Variants in DMD observed in about 807,000 individuals in gnomAD.
The protein encoded by DMD is dystrophin, also known as mutant dystrophin.
In DMD, 63 loss-of-function variants were observed where a neutral mutation model predicts 330.1. The observed-to-expected ratio is 0.19, with a 90% CI of 0.16 to 0.24. The LOEUF is 0.24. Among genes scored for constraint, DMD ranks in the 10% least tolerant of loss-of-function variants. DMD has a pLI of 1.00. For missense variants in DMD, 3,344 were observed against 2,684.1 expected, an observed-to-expected ratio of 1.25 and a Z score of -5.43; for synonymous variants, 1,223 against 959.8, an observed-to-expected ratio of 1.27 and a Z score of -5.07.
intron 1 of DMD, among the ~76,000 whole-genome samples, chrX:33,192,533 C>A (rs1379383310): frequency 9.0e-6 from 1 of 111,588 alleles, no homozygotes; most frequent in East Asian, 2.8e-4. Flanking sequence ...AACTTCTGGG[C>A]CTTGGAAATT....
At chrX:31,384,062 A>T (rs958277747) in intron 60 of DMD, among the ~76,000 whole-genome samples, 1 of 110,182 alleles carries the variant, frequency 9.1e-6, no homozygotes, top group African/African-American at 3.3e-5. Context: ...GCCCTGTAAC[A>T]CTCCTTCTGG....
chrX:32,482,264 T>C, intron 21 of DMD, among the ~76,000 whole-genome samples: 1 of 111,533 alleles, frequency 9.0e-6, no homozygotes, highest in Middle Eastern at 4.6e-3. Flanking sequence ...GTTTTCAGTC[T>C]CTAGAAAAGT....
At chrX:33,264,247 C>T (rs2053006049) in intron 1 of DMD, among the ~76,000 whole-genome samples, 1 of 110,512 alleles carries the variant, frequency 9.0e-6, no homozygotes, top group Non-Finnish European at 1.9e-5. Flanking sequence ...AACAAGAAAC[C>T]AAAAATAAAA....
At chrX:33,094,138 G>T (rs1164452058) in intron 1 of DMD, among the ~76,000 whole-genome samples, 3 of 109,653 alleles carry the variant, frequency 2.7e-5, no homozygotes, top group African/African-American at 1.0e-4. Context: ...GCCAACTTTT[G>T]CTCATAGAAG....
intron 45 of DMD, among the ~76,000 whole-genome samples, chrX:31,956,082 C>T (rs967700721): frequency 1.5e-4 from 16 of 110,116 alleles, no homozygotes; most frequent in Non-Finnish European, 2.8e-4. Context: ...TAGAGGTATC[C>T]CTTTTTTGTC....
At chrX:31,385,616 C>T (rs768419472) in intron 60 of DMD, among the ~76,000 whole-genome samples, 7 of 112,383 alleles carry the variant, frequency 6.2e-5, no homozygotes, top group African/African-American at 1.9e-4. Context: ...GTGAAATCAG[C>T]ACATTATGCT....
intron 55 of DMD, among the ~76,000 whole-genome samples, chrX:31,601,676 CAG>C (rs897157975): frequency 9.0e-6 from 1 of 111,303 alleles, no homozygotes; most frequent in African/African-American, 3.3e-5. Context: ...TACTGAGACA[CAG>C]AGTGTATGCT....
At chrX:32,725,646 T>G (rs2066790715) in intron 7 of DMD, among the ~76,000 whole-genome samples, 1 of 110,944 alleles carries the variant, frequency 9.0e-6, no homozygotes, top group Admixed American at 9.6e-5. Context: ...AAGCAAATAT[T>G]ATTAGAGCTA....
intron 44 of DMD, among the ~76,000 whole-genome samples, chrX:32,069,474 G>A (rs2096281341): frequency 9.0e-6 from 1 of 111,436 alleles, no homozygotes; most frequent in Non-Finnish European, 1.9e-5. Context: ...AGATTTGTGG[G>A]CACTGTAACT....
At chrX:32,757,913 G>C (rs1410284112) in intron 7 of DMD, among the ~76,000 whole-genome samples, 1 of 111,389 alleles carries the variant, frequency 9.0e-6, no homozygotes, top group Non-Finnish European at 1.9e-5. Context: ...TGCTGTTAGA[G>C]GGTTAACACC....
chrX:33,300,897 T>C (rs940545003), intron 1 of DMD, among the ~76,000 whole-genome samples: 1 of 111,853 alleles, frequency 8.9e-6, no homozygotes, highest in Non-Finnish European at 1.9e-5. Context: ...TTAAACATAA[T>C]AGCCATGTAA....
intron 30 of DMD, among the ~76,000 whole-genome samples, chrX:32,400,460 A>G (rs999429127): frequency 1.8e-5 from 2 of 111,151 alleles, no homozygotes; most frequent in African/African-American, 3.3e-5. Context: ...TATCAGAATG[A>G]TGCTGGCCTC....
intron 52 of DMD, among the ~76,000 whole-genome samples, chrX:31,681,722 C>T (rs2082391054): frequency 8.9e-6 from 1 of 112,801 alleles, no homozygotes; most frequent in South Asian, 3.6e-4. Flanking sequence ...AACTATGCTT[C>T]TTATTTTGTT....
At chrX:32,185,367 CA>C (rs1672954678) in intron 44 of DMD, among the ~76,000 whole-genome samples, 1 of 111,023 alleles carries the variant, frequency 9.0e-6, no homozygotes, top group South Asian at 3.8e-4. Context: ...TCTGTTTCTT[CA>C]CAATAACTCC....
At chrX:32,723,513 T>C (rs781189536) in intron 7 of DMD, among the ~76,000 whole-genome samples, 4 of 111,487 alleles carry the variant, frequency 3.6e-5, no homozygotes, top group Non-Finnish European at 7.6e-5. Context: ...TCTTTAAATG[T>C]TTGGAAGAAA....
intron 50 of DMD, among the ~76,000 whole-genome samples, chrX:31,793,313 G>A (rs2091667242): frequency 9.0e-6 from 1 of 110,686 alleles, no homozygotes; most frequent in African/African-American, 3.3e-5. Flanking sequence ...TGAGGGTGGG[G>A]TTTTCGCTGG....
chrX:32,896,447 T>C (rs1292359603), intron 2 of DMD, among the ~76,000 whole-genome samples: 1 of 111,463 alleles, frequency 9.0e-6, no homozygotes, highest in Non-Finnish European at 1.9e-5. Context: ...AGAATTGGAA[T>C]TACAGGAATA....
Position 31,120,231 on chromosome X carries a change from G to T in DMD, c.*1688C>A, listed in dbSNP as rs1295146574. ...TAAAGCTTTTTCCTACCAGTCCTTA[G>T]CTTTTCCTCTTGAGCTTTTCTCCTC... On this transcript the variant is annotated 3_prime_UTR_variant, in exon 79 of 79. Coordinates refer to ENST00000357033, the MANE Select transcript of DMD (RefSeq NM_004006.3). 1 of 111,956 alleles carries T rather than the reference G, an allele frequency of 8.9e-6. No homozygotes were observed. The highest frequency in any genetic ancestry group is 9.5e-5 in the Admixed American group (1 of 10,518). 9.2% of individuals were successfully genotyped at this position (111,956 alleles called of 1,213,427 possible).
At chrX:32,194,674 G>C (rs2096990913) in intron 44 of DMD, among the ~76,000 whole-genome samples, 1 of 111,653 alleles carries the variant, frequency 9.0e-6, no homozygotes, top group African/African-American at 3.3e-5. Flanking sequence ...AGAAAAGGAA[G>C]AGCATTCTGG....
Sources: allele counts gnomAD v4.1 joint callset (sites outside exome capture counted in the v4.1 genomes callset), GRCh38; gene constraint gnomAD v4.1.1; transcripts MANE v1.5; gene names NCBI Gene and HGNC (gene_info 2026-07-23, HGNC 2026-07-21).